SPATA17: variants seen among roughly 807,000 people sequenced by gnomAD.
The protein encoded by SPATA17 is spermatogenesis-associated protein 17.
Under a neutral mutation model 62.2 loss-of-function variants are expected in SPATA17, and 53 were observed. The observed-to-expected ratio is 0.85, with a 90% CI of 0.68 to 1.07. The LOEUF (loss-of-function observed/expected upper bound fraction) is 1.07, where lower values mean the gene tolerates loss of function less well. Among genes scored for constraint, SPATA17 ranks in the 50% least tolerant of loss-of-function variants. SPATA17 has a pLI of 0.00. For synonymous variants in SPATA17, 146 were observed against 146.8 expected, an observed-to-expected ratio of 0.99 and a Z score of 0.04; for missense variants, 466 against 425.5, an observed-to-expected ratio of 1.10 and a Z score of -0.84.
chr1:217,859,945 G>A (rs1267962813), intron 9 of SPATA17, among the ~76,000 whole-genome samples: 1 of 151,884 alleles, frequency 6.6e-6, no homozygotes, highest in Non-Finnish European at 1.5e-5. Context: ...TGCTTACTTT[G>A]TAATTAATTT....
chr1:217,840,403 T>C (rs1007977139), intron 9 of SPATA17, among the ~76,000 whole-genome samples: 2 of 152,098 alleles, frequency 1.3e-5, no homozygotes, highest in Non-Finnish European at 2.9e-5. Flanking sequence ...CAGAACTAAC[T>C]AACCTAGGAT....
Position 217,774,407 on chromosome 1 carries a change from C to CTT in SPATA17, c.595_596dup (p.Leu199PhefsTer2), listed in dbSNP as rs1673538203. 6.2e-7 allele frequency: 1 copy of CTT among 1,613,922 alleles called. No individual in the cohort carries two copies. Among genetic ancestry groups the CTT allele is most frequent in the Non-Finnish European group, 8.5e-7 (1 of 1,179,978 alleles). On this transcript the variant is annotated frameshift_variant, in exon 7 of 11. Coordinates refer to ENST00000366933, the MANE Select transcript of SPATA17 (RefSeq NM_138796.4). LOFTEE classifies it high-confidence loss of function. ...GAGCTGCAATTACAGAAGGCAAAGC[C>CTT]TTTAACACACCGAAGACCTAAAGTT...
At chr1:217,798,874 C>CTT (rs879820882) in intron 8 of SPATA17, among the ~76,000 whole-genome samples, 6 of 139,970 alleles carry the variant, frequency 4.3e-5, no homozygotes, top group Middle Eastern at 3.4e-3. Flanking sequence ...TATTTTCTGT[C>CTT]TTTTTTTTTT....
intron 9 of SPATA17, among the ~76,000 whole-genome samples, chr1:217,837,661 G>A (rs1675292600): frequency 6.6e-6 from 1 of 152,048 alleles, no homozygotes; most frequent in Non-Finnish European, 1.5e-5. Flanking sequence ...TCTCAGTGGT[G>A]TGCATGGTCC....
chr1:217,723,860 CA>C (rs1672197040), intron 5 of SPATA17, among the ~76,000 whole-genome samples: 2 of 152,198 alleles, frequency 1.3e-5, no homozygotes, highest in Admixed American at 1.3e-4. Flanking sequence ...TTTTCCCAGG[CA>C]ATCACCACAG....
At chr1:217,659,740 G>A (rs187749120) in intron 3 of SPATA17, among the ~76,000 whole-genome samples, 34 of 152,076 alleles carry the variant, frequency 2.2e-4, no homozygotes, top group African/African-American at 8.0e-4. Flanking sequence ...AAATAGTACT[G>A]CAATTCAACC....
chr1:217,720,120 C>T (rs192604766), intron 5 of SPATA17, among the ~76,000 whole-genome samples: 1 of 152,278 alleles, frequency 6.6e-6, no homozygotes, highest in African/African-American at 2.4e-5. Flanking sequence ...CCCAGTCATG[C>T]GTTGACATAT....
At chr1:217,797,362 G>A (rs1283241899) in intron 8 of SPATA17, among the ~76,000 whole-genome samples, 1 of 149,780 alleles carries the variant, frequency 6.7e-6, no homozygotes, top group Non-Finnish European at 1.5e-5. Flanking sequence ...TGATTCTCCT[G>A]CCTTAGCCTC....
chr1:217,745,111 C>T (rs1363749444), intron 6 of SPATA17, among the ~76,000 whole-genome samples: 1 of 152,160 alleles, frequency 6.6e-6, no homozygotes, highest in Non-Finnish European at 1.5e-5. Context: ...GTGTCCCCCA[C>T]CTCCATTTGA....
chr1:217,850,404 A>G, intron 9 of SPATA17: 1 of 1,155,236 alleles, frequency 8.7e-7, no homozygotes, highest in Non-Finnish European at 1.3e-6. Flanking sequence ...TGAAGAACTA[A>G]CAGCCACATC....
At chr1:217,735,110 G>A (rs1214979027) in intron 5 of SPATA17, among the ~76,000 whole-genome samples, 7 of 152,172 alleles carry the variant, frequency 4.6e-5, no homozygotes, top group Admixed American at 6.5e-5. Flanking sequence ...CACCAAGTTC[G>A]TACTAGGTAT....
At chr1:217,860,137 T>C (rs1230564687) in intron 9 of SPATA17, among the ~76,000 whole-genome samples, 1 of 152,220 alleles carries the variant, frequency 6.6e-6, no homozygotes, top group East Asian at 1.9e-4. Flanking sequence ...TTTATTTCTC[T>C]TGAGACTTTT....
At chr1:217,631,953 G>A (rs1669794663) in intron 1 of SPATA17, among the ~76,000 whole-genome samples, 1 of 152,022 alleles carries the variant, frequency 6.6e-6, no homozygotes, top group Non-Finnish European at 1.5e-5. Flanking sequence ...GAGGCCGAGG[G>A]GGGCGAATCA....
At chr1:217,672,987 A>G (rs1424311722) in intron 4 of SPATA17, among the ~76,000 whole-genome samples, 3 of 152,162 alleles carry the variant, frequency 2.0e-5, no homozygotes, top group Non-Finnish European at 2.9e-5. Context: ...GAATAAATCA[A>G]TGAATGCTGG....
chr1:217,798,538 C>A (rs1674213328), intron 8 of SPATA17, among the ~76,000 whole-genome samples: 1 of 152,142 alleles, frequency 6.6e-6, no homozygotes, highest in African/African-American at 2.4e-5. Context: ...AAATGTCAGA[C>A]TTCTGTGGGC....
intron 9 of SPATA17, chr1:217,850,679 G>A (rs1675630341): frequency 1.4e-6 from 2 of 1,472,146 alleles, no homozygotes; most frequent in Admixed American, 3.5e-5. Context: ...CGCCAGTCAT[G>A]TCCAGCCACA....
intron 9 of SPATA17, among the ~76,000 whole-genome samples, chr1:217,831,690 G>A (rs1253443536): frequency 6.6e-6 from 1 of 151,996 alleles, no homozygotes; most frequent in Admixed American, 6.6e-5. Context: ...GCATTTGTTT[G>A]TGTATGAATC....
At chr1:217,691,189 G>C (rs898578382) in intron 5 of SPATA17, among the ~76,000 whole-genome samples, 7 of 149,022 alleles carry the variant, frequency 4.7e-5, no homozygotes, top group African/African-American at 1.7e-4. Flanking sequence ...ATTCTAACTG[G>C]TGTGAGATGA....
At chr1:217,670,478 A>G (rs1342944178) in intron 4 of SPATA17, among the ~76,000 whole-genome samples, 1 of 152,240 alleles carries the variant, frequency 6.6e-6, no homozygotes, top group African/African-American at 2.4e-5. Context: ...AAACATATGT[A>G]AGAAATTCAC....
Sources: allele counts gnomAD v4.1 joint callset (sites outside exome capture counted in the v4.1 genomes callset), GRCh38; gene constraint gnomAD v4.1.1; transcripts MANE v1.5; gene names NCBI Gene and HGNC (gene_info 2026-07-23, HGNC 2026-07-21).